The following ST14 variants were observed in gnomAD, a reference collection of about 807,000 sequenced individuals.
ST14 encodes ST14 transmembrane serine protease matriptase, also known as suppressor of tumorigenicity 14 protein.
ST14 carries 40 observed loss-of-function variants against 96.5 expected under a neutral mutation model. That is an observed-to-expected ratio of 0.41 (90% CI 0.32 to 0.54). The LOEUF is 0.54. ST14 is among the 20% of genes least tolerant of loss of function. The pLI is 0.17. For synonymous variants in ST14, 506 were observed against 492.1 expected, an observed-to-expected ratio of 1.03 and a Z score of -0.37; for missense variants, 1,066 against 1,188.9, an observed-to-expected ratio of 0.90 and a Z score of 1.52.
In ST14 at chr11:130,198,525, T is replaced by G; in HGVS notation, c.1588T>G (p.Phe530Val). The change falls in exon 14 of 19, where the codon TTC becomes GTC. Residue 530 changes from phenylalanine (F) to valine (V), a missense_variant. Coordinates refer to ENST00000278742, the MANE Select transcript of ST14 (RefSeq NM_021978.4). The stretch of plus-strand genomic sequence containing the variant: ...CTCTCCAGGTTGTCCGGCCCAGACC[T>G]TCAGGTGTTCCAATGGGAAGTGCCT... ...EQGCSCPAQT[F>V]RCSNGKCLSK... 6.2e-7 allele frequency: 1 copy of G among 1,614,024 alleles called. No individual in the cohort carries two copies. The highest frequency in any genetic ancestry group is 8.5e-7 in the Non-Finnish European group (1 of 1,180,004).
At chr11:130,193,796 G>C (rs1242263014) in intron 7 of ST14, among the ~76,000 whole-genome samples, 1 of 152,264 alleles carries the variant, frequency 6.6e-6, no homozygotes, top group Non-Finnish European at 1.5e-5. Context: ...TTGTGACAAA[G>C]GTGAACTGTT....
intron 1 of ST14, among the ~76,000 whole-genome samples, chr11:130,179,107 T>A (rs1332462176): frequency 2.0e-5 from 3 of 152,136 alleles, no homozygotes; most frequent in Non-Finnish European, 4.4e-5. Flanking sequence ...GTGAGCCTCC[T>A]GGAAATGGTG....
chr11:130,196,399 G>T lies in ST14; in HGVS notation c.1174G>T (p.Val392Leu), dbSNP rs557766798. The change falls in exon 10 of 19, where the codon GTG (valine) becomes TTG (leucine). Residue 392 changes from valine (V) to leucine (L), a missense_variant. Val to Leu is a conservative substitution (Grantham distance 32). Transcript: ENST00000278742. ...FKFFYLLEPG[V>L]PAGTCPKDYV... is the part of the protein sequence containing the mutation. ...ATTCTTCTACCTGCTGGAGCCCGGC[G>T]TGCCTGCGGGCACCTGCCCCAAGGA... 2.5e-6 allele frequency: 4 copies of T among 1,610,284 alleles called. No individual in the cohort carries two copies. In the Admixed American group the frequency reaches 6.7e-5, roughly 27 times the overall value.
intron 1 of ST14, among the ~76,000 whole-genome samples, chr11:130,172,638 T>C (rs1316087004): frequency 6.6e-6 from 1 of 151,528 alleles, no homozygotes; most frequent in Non-Finnish European, 1.5e-5. Context: ...AGGATGGTCT[T>C]GATCTCCTAA....
chr11:130,203,184 C>T (rs1358724864), intron 16 of ST14, among the ~76,000 whole-genome samples: 1 of 152,072 alleles, frequency 6.6e-6, no homozygotes, highest in Non-Finnish European at 1.5e-5. Flanking sequence ...AGGCACAGGG[C>T]AAAGAGCTGG....
At chr11:130,207,493 G>A (rs1322921814) in intron 16 of ST14, among the ~76,000 whole-genome samples, 1 of 152,224 alleles carries the variant, frequency 6.6e-6, no homozygotes, top group Non-Finnish European at 1.5e-5. Flanking sequence ...GCAGGTTACA[G>A]TGAACTGAGA....
intron 1 of ST14, among the ~76,000 whole-genome samples, chr11:130,166,024 G>A (rs1022696503): frequency 2.0e-5 from 3 of 152,204 alleles, no homozygotes; most frequent in African/African-American, 4.8e-5. Context: ...GTGATCACCC[G>A]GTGCCAGTGC....
chr11:130,194,577 T>C, intron 8 of ST14, 63 bp from the exon 9 acceptor site: 1 of 1,554,314 alleles, frequency 6.4e-7, no homozygotes, highest in Non-Finnish European at 8.9e-7. Flanking sequence ...TGCAGAGCCC[T>C]CGTCCGCCTG....
rs1310188029 is a variant in ST14 at position 130,210,159 on chromosome 11, C to T, written c.*336C>T. ...CCCTGTCTCTAAGGAGCAGCGGGAA[C>T]GGAGCTTCGGGGCCTCCTCAGTGAA... On this transcript the variant is annotated 3_prime_UTR_variant, in exon 19 of 19. Coordinates refer to ENST00000278742, the MANE Select transcript of ST14 (RefSeq NM_021978.4). 8 of 256,208 alleles carry T rather than the reference C, an allele frequency of 3.1e-5. No individual in the cohort carries two copies. The highest frequency in any genetic ancestry group is 2.8e-4 in the East Asian group (3 of 10,862). 15.9% of individuals were successfully genotyped at this position (256,208 alleles called of 1,614,324 possible).
chr11:130,194,457 G>A (rs920790848), intron 8 of ST14, among the ~76,000 whole-genome samples, 169 bp downstream of exon 8: 20 of 152,348 alleles, frequency 1.3e-4, no homozygotes, highest in Non-Finnish European at 2.6e-4. Context: ...CTGGCCGACC[G>A]CCTGGGTCAG....
At chr11:130,194,354 G>A in intron 8 of ST14, 66 bp downstream of exon 8, 1 of 1,602,502 alleles carries the variant, frequency 6.2e-7, no homozygotes, top group Non-Finnish European at 8.5e-7. Context: ...CCTTAGTGGG[G>A]GTGACCTGAG....
rs546431573 is a variant in ST14, at chr11:130,200,760, G to C, written c.1994+623G>C. On this transcript the variant is annotated intron_variant, in intron 16 of 18. Transcript: ENST00000278742. The stretch of plus-strand genomic sequence containing the variant: ...TGCCTCTCCTAAAACCCCCTAGCAA[G>C]TTAGGCAGCTTGATTGTATCCTCAC... 2.6e-5 allele frequency among the ~76,000 whole-genome samples: 4 copies of C among 152,352 alleles called. No homozygotes were observed. In the South Asian group the frequency reaches 6.2e-4, roughly 24 times the overall value.
At position 130,175,441 on chromosome 11, in the gene ST14, G is replaced by A. The variant is rs560924000; in HGVS notation, c.82-12673G>A. Among the ~76,000 whole-genome samples the A allele has an allele frequency of 1.2e-4, 18 of 152,040 alleles. No individual in the cohort carries two copies. In the East Asian group the frequency reaches 1.9e-3, roughly 16 times the overall value. On this transcript the variant is annotated intron_variant, in intron 1 of 18. Transcript: ENST00000278742. Reference sequence around the variant, plus strand: ...GTTGCCCAGGCTGGAGTGCAATGGCGCAATCTCGGCTCATCCCAACCTCCG... The same window carrying A: ...GTTGCCCAGGCTGGAGTGCAATGGCACAATCTCGGCTCATCCCAACCTCCG...
chr11:130,180,802 T>C (rs1010968046), intron 1 of ST14, among the ~76,000 whole-genome samples: 8 of 152,158 alleles, frequency 5.3e-5, no homozygotes, highest in African/African-American at 1.9e-4. Context: ...ATAAAATAGG[T>C]CTCTTTTTTG....
intron 1 of ST14, among the ~76,000 whole-genome samples, chr11:130,161,933 C>T (rs926299240): frequency 2.6e-4 from 39 of 152,150 alleles, no homozygotes; most frequent in Admixed American, 1.6e-3. Flanking sequence ...GGAAATTGGC[C>T]AAAGCTCATT....
At position 130,204,679 on chromosome 11, in the gene ST14, G is replaced by A. The variant is rs1953468543; in HGVS notation, c.1995-3731G>A. Among the ~76,000 whole-genome samples, 3 of 152,030 alleles carry A rather than the reference G, an allele frequency of 2.0e-5. No individual in the cohort carries two copies. In the South Asian group the frequency reaches 6.2e-4, roughly 32 times the overall value. On this transcript the variant is annotated intron_variant, in intron 16 of 18. Coordinates refer to ENST00000278742, the MANE Select transcript of ST14 (RefSeq NM_021978.4). ...ATACAAAAATTAGCTGAGCATGGTG[G>A]CATGCACCTGCACTCCCAGCTACTT... is the stretch of plus-strand genomic sequence containing the variant.
At position 130,197,924 on chromosome 11, in the gene ST14, C is replaced by A; in HGVS notation, c.1438C>A (p.His480Asn). 6.3e-7 allele frequency: 1 copy of A among 1,592,624 alleles called. No homozygotes were observed. Among genetic ancestry groups the A allele is most frequent in the South Asian group, 1.1e-5 (1 of 88,334 alleles). The change falls in exon 12 of 19, where the codon CAC becomes AAC. Residue 480 changes from histidine to asparagine, a missense_variant. Coordinates refer to ENST00000278742, the MANE Select transcript of ST14 (RefSeq NM_021978.4). ...TGATGGCTGGGCCGACTGCACCGAC[C>A]ACAGCGATGAGCTCAACTGCAGTGA... is the stretch of plus-strand genomic sequence containing the variant. Reference protein sequence around the residue: ...RCDGWADCTDHSDELNCSCDA... With the variant: ...RCDGWADCTDNSDELNCSCDA...
Position 130,181,592 on chromosome 11 carries a change from C to T in ST14, c.82-6522C>T, listed in dbSNP as rs73034635. Reference sequence around the variant, plus strand: ...TGTGGCCCAGTAGAGAGGTGTTATGCCTACAGTTGTCTAAGTGTCTAAGTG... The same window carrying T: ...TGTGGCCCAGTAGAGAGGTGTTATGTCTACAGTTGTCTAAGTGTCTAAGTG... On this transcript the variant is annotated intron_variant, in intron 1 of 18. Coordinates refer to ENST00000278742, the MANE Select transcript of ST14 (RefSeq NM_021978.4). This position sits in a 1 kb window ranked among gnomAD's most constrained non-coding sequence, Gnocchi z 4.1. Among the ~76,000 whole-genome samples, 252 of 152,288 alleles carry T rather than the reference C, an allele frequency of 1.7e-3. No individual in the cohort carries two copies. The highest frequency in any genetic ancestry group is 2.6e-3 in the Non-Finnish European group (179 of 68,022).
At chr11:130,190,879 A>G (rs1396818023) in intron 7 of ST14, among the ~76,000 whole-genome samples, 185 bp downstream of exon 7, 1 of 152,130 alleles carries the variant, frequency 6.6e-6, no homozygotes, top group African/African-American at 2.4e-5. Context: ...CTGGGAGGTG[A>G]TTTTTCTCAG....
Sources: gnomAD v4.1 joint callset for allele counts (sites outside exome capture counted in the v4.1 genomes callset) on GRCh38, gnomAD v4.1.1 for gene constraint, Gnocchi (gnomAD v3.1) non-coding constraint, MANE v1.5 for transcripts, NCBI Gene and HGNC (gene_info 2026-07-23, HGNC 2026-07-21) for gene names.